The following LRRC39 variants were observed in gnomAD, a reference collection of about 807,000 sequenced individuals.
LRRC39 encodes the protein leucine rich repeat containing 39.
Under a neutral mutation model 39.7 loss-of-function variants are expected in LRRC39, and 35 were observed. The ratio of observed to expected loss-of-function variants is 0.88; its 90% CI spans 0.67 to 1.17. LRRC39 has a LOEUF of 1.17. Ranked by LOEUF, LRRC39 falls within the 50% of genes most tolerant of loss-of-function variation. The pLI is 0.00. For missense variants in LRRC39, 357 were observed against 385.8 expected, an observed-to-expected ratio of 0.93 and a Z score of 0.62; for synonymous variants, 113 against 134.1, an observed-to-expected ratio of 0.84 and a Z score of 1.09.
At chr1:100,159,475 C>G (rs1483055748) in intron 4 of LRRC39, 60 bp from the exon 5 acceptor site, 1 of 1,301,782 alleles carries the variant, frequency 7.7e-7, no homozygotes, top group East Asian at 2.7e-5. Context: ...TATCACGCCA[C>G]CCTGAAATGT....
rs1658701054 is a variant in LRRC39, at chr1:100,159,365, A to T, written c.270T>A (p.Leu90=). The T allele has an allele frequency of 6.2e-7, 1 of 1,611,888 alleles. No individual in the cohort carries two copies. The highest frequency in any genetic ancestry group is 8.5e-7 in the Non-Finnish European group (1 of 1,178,966). Residue 90 remains leucine, a synonymous_variant, in exon 5 of 10, where the codon CTT becomes CTA. Coordinates refer to ENST00000370137, the MANE Select transcript of LRRC39 (RefSeq NM_144620.4). The part of the protein sequence containing the change: ...LKLNQLQEWQ[L]HRTGLLKIPE... ...GAATTTTCAGCAAACCAGTTCTATG[A>T]AGTTGCCATTCCTGTAGTTGATTCA...
At chr1:100,150,874 T>G (rs1322637035) in intron 9 of LRRC39, among the ~76,000 whole-genome samples, 1 of 152,112 alleles carries the variant, frequency 6.6e-6, no homozygotes, top group Non-Finnish European at 1.5e-5. Flanking sequence ...ACACCTGTAA[T>G]CCCAGCACTT....
chr1:100,167,257 T>G (rs1295238717), intron 3 of LRRC39, among the ~76,000 whole-genome samples: 1 of 152,110 alleles, frequency 6.6e-6, no homozygotes, highest in Non-Finnish European at 1.5e-5. Context: ...AGTGCATCAG[T>G]CATCTTGTAA....
Position 100,155,135 on chromosome 1 carries a change from T to C in LRRC39, c.728A>G (p.Asn243Ser). Residue 243 changes from asparagine (N) to serine (S), a missense_variant, in exon 8 of 10, where the codon AAT becomes AGT. Physicochemically the swap from Asn to Ser is conservative, Grantham distance 46. Coordinates refer to ENST00000370137, the MANE Select transcript of LRRC39 (RefSeq NM_144620.4). ...EITCLPQTIS[N>S]MKNLGTLVLS... ...AACAAGAGTACCCAGATTTTTCATA[T>C]TGCTGATTGTTTGAGGCAAGCATGT... 1 of 1,610,906 alleles carries C rather than the reference T, an allele frequency of 6.2e-7. No homozygotes were observed. The highest frequency in any genetic ancestry group is 8.5e-7 in the Non-Finnish European group (1 of 1,178,690).
chr1:100,148,513 CTTAGTACA>C lies in LRRC39; in HGVS notation c.*521_*528del, dbSNP rs1557917290. The C allele has an allele frequency of 9.0e-7, 1 of 1,109,300 alleles. No homozygotes were observed. The highest frequency in any genetic ancestry group is 1.6e-5 in the African/African-American group (1 of 62,358). The allele number at this position is 1,109,300 out of a possible 1,614,324, so 68.7% of individuals were successfully genotyped here. ...TGTCTTGGAAGCATGGGACAAAGTA[CTTAGTACA>C]TTATGGGTTAGTTAACAGTCTCTCA... is the stretch of plus-strand genomic sequence containing the variant. On this transcript the variant is annotated 3_prime_UTR_variant, in exon 10 of 10. Transcript: ENST00000370137.
intron 3 of LRRC39, among the ~76,000 whole-genome samples, chr1:100,160,788 CTAA>C (rs1658821757): frequency 6.6e-6 from 1 of 152,004 alleles, no homozygotes; most frequent in African/African-American, 2.4e-5. Flanking sequence ...CCACACCCGG[CTAA>C]TTTTTTGTAT....
intron 1 of LRRC39, among the ~76,000 whole-genome samples, chr1:100,176,243 A>G (rs1287185819): frequency 6.6e-6 from 1 of 152,254 alleles, no homozygotes; most frequent in Non-Finnish European, 1.5e-5. Flanking sequence ...CCTGACCAAC[A>G]TGGTGAAACC....
chr1:100,162,680 CA>C (rs1658978360), intron 3 of LRRC39, among the ~76,000 whole-genome samples: 2 of 151,532 alleles, frequency 1.3e-5, no homozygotes, highest in Non-Finnish European at 1.5e-5. Context: ...AAACCTTTTG[CA>C]AAAAGCTATT....
chr1:100,172,774 C>T (rs1447139019), intron 2 of LRRC39, among the ~76,000 whole-genome samples: 1 of 152,096 alleles, frequency 6.6e-6, no homozygotes, highest in Non-Finnish European at 1.5e-5. Flanking sequence ...TCCTGGCTAA[C>T]ATGGTGAAAC....
chr1:100,152,685 GT>G (rs947347361), intron 8 of LRRC39, among the ~76,000 whole-genome samples, 161 bp from the exon 9 acceptor site: 2 of 151,912 alleles, frequency 1.3e-5, no homozygotes, highest in South Asian at 2.1e-4. Context: ...AGAATCTTAT[GT>G]TTTTTTCCTA....
chr1:100,155,705 T>C (rs771283429), intron 7 of LRRC39, among the ~76,000 whole-genome samples: 42 of 152,232 alleles, frequency 2.8e-4, no homozygotes, highest in Non-Finnish European at 3.7e-4. Context: ...GTATGCATAA[T>C]GCGTAACATC....
Position 100,175,463 on chromosome 1 carries a change from C to T in LRRC39, c.-118-2093G>A, listed in dbSNP as rs371938578. 4.4e-4 allele frequency among the ~76,000 whole-genome samples: 67 copies of T among 151,722 alleles called. No homozygotes were observed. The South Asian group carries it at 0.013, about 30-fold the overall frequency. On this transcript the variant is annotated intron_variant, in intron 1 of 9. Coordinates refer to ENST00000370137, the MANE Select transcript of LRRC39 (RefSeq NM_144620.4). The stretch of plus-strand genomic sequence containing the variant: ...TTGGCCTCCAGAAGTGCTAGGATCA[C>T]AAACATGAGCTGCTGTGCCTGGCCA...
At chr1:100,173,086 A>T (rs1659739185) in intron 2 of LRRC39, among the ~76,000 whole-genome samples, 1 of 151,262 alleles carries the variant, frequency 6.6e-6, no homozygotes, top group Non-Finnish European at 1.5e-5. Context: ...TAAAAAATAC[A>T]AAAATTAGCC....
At chr1:100,163,595 TA>T (rs11455249) in intron 3 of LRRC39, among the ~76,000 whole-genome samples, 3,429 of 132,264 alleles carry the variant, frequency 0.026, 35 homozygotes, top group African/African-American at 0.033. Context: ...CAGCTTTTTC[TA>T]AAAAAAAAAA....
intron 3 of LRRC39, among the ~76,000 whole-genome samples, chr1:100,164,393 A>G (rs1390400770): frequency 2.0e-5 from 3 of 152,190 alleles, no homozygotes; most frequent in African/African-American, 7.2e-5. Flanking sequence ...GAACAGCAGC[A>G]TCATTGTCTC....
At chr1:100,169,705 T>C (rs1256188009) in intron 2 of LRRC39, among the ~76,000 whole-genome samples, 2 of 152,172 alleles carry the variant, frequency 1.3e-5, no homozygotes, top group Non-Finnish European at 2.9e-5. Context: ...TGAATGTGAA[T>C]ATTTGGGTCC....
At chr1:100,160,884 A>G (rs1032423331) in intron 3 of LRRC39, among the ~76,000 whole-genome samples, 7 of 152,064 alleles carry the variant, frequency 4.6e-5, no homozygotes, top group Non-Finnish European at 1.0e-4. Context: ...TCAGCCTCCC[A>G]AAGTGTTGGG....
Position 100,151,126 on chromosome 1 carries a change from CAAAA to C in LRRC39, c.952+1255_952+1258del, listed in dbSNP as rs772782982. 1.9e-3 allele frequency among the ~76,000 whole-genome samples: 83 copies of C among 43,668 alleles called. 1 individual carries two copies. Among genetic ancestry groups the C allele is most frequent in the Non-Finnish European group, 2.8e-3 (64 of 22,704 alleles). 28.6% of individuals were successfully genotyped at this position (43,668 alleles called of 152,430 possible). A position where few individuals can be genotyped will look rare whatever the true frequency, so the allele number is the denominator to read the frequency against. ...CCTGGGCAACCAGAGAGAAACTCCT[CAAAA>C]AAAAAAAAAAAAAAAAAAAAGACTG... On this transcript the variant is annotated intron_variant, in intron 9 of 9. Transcript: ENST00000370137.
At chr1:100,170,572 T>G (rs1465932795) in intron 2 of LRRC39, among the ~76,000 whole-genome samples, 1 of 152,220 alleles carries the variant, frequency 6.6e-6, no homozygotes, top group Non-Finnish European at 1.5e-5. Context: ...ATTGTACAAC[T>G]CTTGAATAAA....
Sources: gnomAD v4.1 joint callset for allele counts (sites outside exome capture counted in the v4.1 genomes callset) on GRCh38, gnomAD v4.1.1 for gene constraint, MANE v1.5 for transcripts, NCBI Gene and HGNC (gene_info 2026-07-23, HGNC 2026-07-21) for gene names.